Variants in FRAS1 observed in about 807,000 individuals in gnomAD.
FRAS1 encodes the protein Fraser extracellular matrix complex subunit 1.
In FRAS1, 290 loss-of-function variants were observed where a neutral mutation model predicts 435.2. That is an observed-to-expected ratio of 0.67 (90% confidence interval 0.61 to 0.73). The LOEUF (loss-of-function observed/expected upper bound fraction) is 0.73, where lower values mean the gene tolerates loss of function less well. FRAS1 is among the 30% of genes least tolerant of loss of function. The probability of loss-of-function intolerance (pLI) is 0.00; values close to 1 mark genes in which losing one functional copy is unlikely to be tolerated. For missense variants in FRAS1, 4,860 were observed against 5,001.5 expected (o/e 0.97, Z 0.85); for synonymous variants, 1,800 against 1,851.0 (o/e 0.97, Z 0.71).
At chr4:78,235,098 A>G (rs1468988686) in intron 2 of FRAS1, among the ~76,000 whole-genome samples, 2 of 152,126 alleles carry the variant, frequency 1.3e-5, no homozygotes, top group Non-Finnish European at 2.9e-5. Flanking sequence ...CTTTTTTTCC[A>G]GGAAACCTCA....
intron 60 of FRAS1, among the ~76,000 whole-genome samples, chr4:78,499,220 G>A (rs1298460707): frequency 6.6e-6 from 1 of 152,162 alleles, no homozygotes; most frequent in East Asian, 1.9e-4. Flanking sequence ...GCACTAAGAG[G>A]AGGGGGTCCA....
chr4:78,479,489 C>T lies in FRAS1; in HGVS notation c.8214C>T (p.Ala2738=), dbSNP rs774515232. ...ATTTTAAATCTAGAGGGATGTCTGC[C>T]GCGAGTCGTGTGATATTCGGGCCTG... is the stretch of plus-strand genomic sequence containing the variant. The part of the protein sequence containing the change: ...GSDFKSRGMS[A]ASRVIFGPGV... Residue 2738 remains alanine, a synonymous_variant, in exon 56 of 74, where the codon GCC becomes GCT. Transcript: ENST00000512123. 33 of 1,612,082 alleles carry T rather than the reference C, an allele frequency of 2.0e-5. No individual in the cohort carries two copies. The highest frequency in any genetic ancestry group is 1.8e-4 in the South Asian group (16 of 90,828).
chr4:78,271,938 A>C (rs185167825), intron 9 of FRAS1, among the ~76,000 whole-genome samples: 3 of 152,192 alleles, frequency 2.0e-5, no homozygotes, highest in Non-Finnish European at 2.9e-5. Flanking sequence ...CCAACAGTGT[A>C]AAAGTGTTCC....
chr4:78,445,387 T>C, intron 41 of FRAS1, 135 bp from the exon 42 acceptor site: 2 of 1,187,190 alleles, frequency 1.7e-6, no homozygotes, highest in South Asian at 2.3e-5. Context: ...GTCTTGTGCT[T>C]ATCCCACTCT....
At position 78,511,362 on chromosome 4, in the gene FRAS1, T is replaced by C. The variant is rs1721032200; in HGVS notation, c.9869T>C (p.Leu3290Ser). The change falls in exon 64 of 74, where the codon TTA (leucine) becomes TCA (serine). Residue 3290 changes from leucine (L) to serine (S), a missense_variant. Coordinates refer to ENST00000512123, the MANE Select transcript of FRAS1 (RefSeq NM_025074.7). ...VDKVGHVGTP[L>S]RSNIVTIGTD... Reference sequence around the variant, plus strand: ...AAGGTGGGCCATGTGGGGACCCCCTTAAGGAGCAACATTGTTACCATTGGA... The same window carrying C: ...AAGGTGGGCCATGTGGGGACCCCCTCAAGGAGCAACATTGTTACCATTGGA... 6.2e-7 allele frequency: 1 copy of C among 1,613,810 alleles called. No individual in the cohort carries two copies. Among genetic ancestry groups the C allele is most frequent in the Non-Finnish European group, 8.5e-7 (1 of 1,179,858 alleles).
chr4:78,307,301 G>T (rs1380598908), intron 14 of FRAS1, among the ~76,000 whole-genome samples: 2 of 152,238 alleles, frequency 1.3e-5, no homozygotes, highest in Admixed American at 6.5e-5. Flanking sequence ...GTCTGCAGAG[G>T]TTATTGCTGT....
chr4:78,536,568 CT>C (rs1721888974), intron 71 of FRAS1, among the ~76,000 whole-genome samples: 1 of 152,104 alleles, frequency 6.6e-6, no homozygotes, highest in Non-Finnish European at 1.5e-5. Flanking sequence ...ATTGTGAGCA[CT>C]CCATGAGTTA....
chr4:78,512,818 G>A (rs1198444574), intron 64 of FRAS1, among the ~76,000 whole-genome samples: 2 of 152,206 alleles, frequency 1.3e-5, no homozygotes, highest in Non-Finnish European at 2.9e-5. Context: ...AGTGCTGATA[G>A]GACTTACAGG....
chr4:78,470,693 G>A (rs1254711655), intron 51 of FRAS1, among the ~76,000 whole-genome samples: 1 of 152,184 alleles, frequency 6.6e-6, no homozygotes, highest in Non-Finnish European at 1.5e-5. Flanking sequence ...AGGAGAAAGT[G>A]TATAGGTTAT....
chr4:78,200,903 G>GTATA (rs56681096), intron 2 of FRAS1, among the ~76,000 whole-genome samples: 2,760 of 142,572 alleles, frequency 0.019, 34 homozygotes, highest in South Asian at 0.029. Context: ...ATATAAATAC[G>GTATA]TATATATATA....
intron 61 of FRAS1, among the ~76,000 whole-genome samples, chr4:78,501,893 T>C (rs567330234): frequency 6.6e-6 from 1 of 152,318 alleles, no homozygotes; most frequent in East Asian, 1.9e-4. Context: ...TGAATTAATT[T>C]TTGTAAAAAG....
chr4:78,063,578 G>C (rs1040175720), intron 1 of FRAS1, among the ~76,000 whole-genome samples: 1 of 152,172 alleles, frequency 6.6e-6, no homozygotes, highest in Non-Finnish European at 1.5e-5. Context: ...ATTTTGGCTT[G>C]AGTCTCCAGC....
chr4:78,137,480 T>A (rs577388813), intron 2 of FRAS1, among the ~76,000 whole-genome samples: 6 of 152,346 alleles, frequency 3.9e-5, no homozygotes, highest in South Asian at 2.1e-4. Flanking sequence ...TTTTATTTTT[T>A]AAAAAATGCC....
chr4:78,209,375 A>G (rs1026517774), intron 2 of FRAS1, among the ~76,000 whole-genome samples: 1 of 152,080 alleles, frequency 6.6e-6, no homozygotes, highest in South Asian at 2.1e-4. Flanking sequence ...AAGCAATGGA[A>G]GACACCACAG....
chr4:78,363,740 C>A, intron 21 of FRAS1, 75 bp downstream of exon 21: 3 of 1,502,124 alleles, frequency 2.0e-6, no homozygotes, highest in Non-Finnish European at 2.7e-6. Flanking sequence ...GAAGGATCAA[C>A]CTTTCCTAAG....
At chr4:78,207,245 C>G (rs1723300433) in intron 2 of FRAS1, among the ~76,000 whole-genome samples, 1 of 152,088 alleles carries the variant, frequency 6.6e-6, no homozygotes, top group African/African-American at 2.4e-5. Context: ...TTGTTGTTTT[C>G]TTTTGGAGAC....
chr4:78,275,249 T>G (rs1198461086), intron 9 of FRAS1, among the ~76,000 whole-genome samples: 12 of 152,314 alleles, frequency 7.9e-5, no homozygotes, highest in African/African-American at 1.2e-4. Flanking sequence ...GCACACTGAT[T>G]GGTCTTGACT....
intron 68 of FRAS1, among the ~76,000 whole-genome samples, chr4:78,522,369 T>C (rs937072360): frequency 1.5e-4 from 23 of 152,184 alleles, no homozygotes; most frequent in African/African-American, 5.6e-4. Context: ...CCTATTATTG[T>C]GAATATACTC....
At chr4:78,226,021 ATTC>A (rs1724254115) in intron 2 of FRAS1, among the ~76,000 whole-genome samples, 1 of 151,960 alleles carries the variant, frequency 6.6e-6, no homozygotes, top group Non-Finnish European at 1.5e-5. Flanking sequence ...TCAGTTCATT[ATTC>A]TTAGTTTGTT....
Sources: gnomAD v4.1 joint callset for allele counts (sites outside exome capture counted in the v4.1 genomes callset) on GRCh38, gnomAD v4.1.1 for gene constraint, MANE v1.5 for transcripts, NCBI Gene and HGNC (gene_info 2026-07-23, HGNC 2026-07-21) for gene names.